The following AURKA variants were observed in gnomAD, a reference collection of about 807,000 sequenced individuals.
The protein encoded by AURKA is aurora kinase A.
A neutral mutation model predicts 40.9 loss-of-function variants in AURKA; 12 were observed. That is an observed-to-expected ratio of 0.29 (90% CI 0.19 to 0.48). AURKA has a LOEUF of 0.48. AURKA is among the 20% of genes least tolerant of loss of function. AURKA has a pLI of 0.99. For missense variants in AURKA, 322 were observed against 462.1 expected (o/e 0.70, Z 2.78); for synonymous variants, 170 against 164.3 (o/e 1.03, Z -0.26).
chr20:56,370,960 T>C (rs1256985669), intron 7 of AURKA, among the ~76,000 whole-genome samples: 1 of 152,216 alleles, frequency 6.6e-6, no homozygotes, highest in Non-Finnish European at 1.5e-5. Flanking sequence ...CAAAGTTCTC[T>C]GTAAATACGA....
chr20:56,374,933 AGCTACTCGGGAG>A (rs1226884056), intron 6 of AURKA, among the ~76,000 whole-genome samples: 13 of 152,260 alleles, frequency 8.5e-5, no homozygotes, highest in Non-Finnish European at 8.8e-5. Context: ...CTATAATCGC[AGCTACTCGGGAG>A]GCTGAGGCAG....
chr20:56,381,482 T>C lies in AURKA; in HGVS notation c.656A>G (p.Tyr219Cys). 1 of 1,613,874 alleles carries C rather than the reference T, an allele frequency of 6.2e-7. No individual in the cohort carries two copies. Among genetic ancestry groups the C allele is most frequent in the Non-Finnish European group, 8.5e-7 (1 of 1,179,958 alleles). The change falls in exon 6 of 9, where the codon TAT becomes TGT. Residue 219 changes from tyrosine to cysteine, a missense_variant. By Grantham distance (194) the Tyr-to-Cys change is radical. Coordinates refer to ENST00000395915, the MANE Select transcript of AURKA (RefSeq NM_198437.3). ...CTTTGAAAGTTTCTGAAGTTCTCTA[T>C]AAACTGTTCCAAGTGGTGCATATTC... ...ILEYAPLGTV[Y>C]RELQKLSKFD...
intron 2 of AURKA, 109 bp downstream of exon 2, chr20:56,388,047 G>A (rs1986577851): frequency 1.3e-5 from 2 of 153,214 alleles, no homozygotes; most frequent in Non-Finnish European, 2.0e-5. Flanking sequence ...CAGGATCACA[G>A]TAAGGGATCT....
At chr20:56,390,329 TAG>T (rs1267835119) in intron 1 of AURKA, among the ~76,000 whole-genome samples, 3 of 149,500 alleles carry the variant, frequency 2.0e-5, no homozygotes, top group Non-Finnish European at 4.4e-5. Flanking sequence ...TTTTTTGAGA[TAG>T]AGTTTGCTCT....
In AURKA at chr20:56,383,049, G is replaced by A; in HGVS notation, c.502C>T (p.Gln168Ter). Reference protein sequence around the residue: ...ILALKVLFKAQLEKAGVEHQL... With the variant: ...ILALKVLFKA ...TGCTCCACTCCGGCTTTCTCCAGCT[G>A]AGCTTTAAATAACACTTTAAGAGCC... The change falls in exon 5 of 9, where the codon CAG becomes TAG. Residue 168 changes from glutamine (Q) to a stop codon, truncating the protein, a stop_gained. Transcript: ENST00000395915. LOFTEE classifies it high-confidence loss of function. 6.2e-7 allele frequency: 1 copy of A among 1,614,206 alleles called. No homozygotes were observed. Among genetic ancestry groups the A allele is most frequent in the Non-Finnish European group, 8.5e-7 (1 of 1,180,034 alleles).
At chr20:56,388,490 GCCTACT>G (rs1986655322) in intron 1 of AURKA, 1 of 469,918 alleles carries the variant, frequency 2.1e-6, no homozygotes. Flanking sequence ...TCCCTGTGCA[GCCTACT>G]GGCATACCTG....
chr20:56,388,505 T>A, intron 1 of AURKA: 1 of 419,512 alleles, frequency 2.4e-6, no homozygotes, highest in Non-Finnish European at 4.4e-6. Flanking sequence ...CTGGCATACC[T>A]GCTACCTTAA....
At chr20:56,379,194 T>C (rs970945372) in intron 6 of AURKA, among the ~76,000 whole-genome samples, 17 of 152,160 alleles carry the variant, frequency 1.1e-4, no homozygotes, top group African/African-American at 4.1e-4. Flanking sequence ...CCAAAGGAAG[T>C]GCACATAAGC....
intron 3 of AURKA, among the ~76,000 whole-genome samples, chr20:56,385,423 C>T (rs1433087640): frequency 6.6e-6 from 1 of 152,058 alleles, no homozygotes; most frequent in East Asian, 1.9e-4. Context: ...CTCCTAAATC[C>T]AGCGTTCTAC....
Position 56,373,263 on chromosome 20 carries a change from G to T in AURKA, c.854+145C>A. 1 of 1,065,772 alleles carries T rather than the reference G, an allele frequency of 9.4e-7. No individual in the cohort carries two copies. Among genetic ancestry groups the T allele is most frequent in the Non-Finnish European group, 1.4e-6 (1 of 702,164 alleles). 66.0% of individuals were successfully genotyped at this position (1,065,772 alleles called of 1,614,324 possible). On this transcript the variant is annotated intron_variant, in intron 7 of 8. Transcript: ENST00000395915. This position sits in a 1 kb window ranked among gnomAD's most constrained non-coding sequence, Gnocchi z 5.0. ...CTTGCAAACCCTAGTTTATTATTAA[G>T]CCTAAATTACTCCAAAGTACTTCTG...
intron 3 of AURKA, among the ~76,000 whole-genome samples, chr20:56,385,640 T>C (rs996234578): frequency 6.6e-6 from 1 of 152,048 alleles, no homozygotes; most frequent in African/African-American, 2.4e-5. Flanking sequence ...TTTGTATTTT[T>C]AGTAGAGACA....
intron 7 of AURKA, 96 bp from the exon 8 acceptor site, chr20:56,370,755 T>TC: frequency 7.4e-7 from 1 of 1,359,562 alleles, no homozygotes; most frequent in South Asian, 1.3e-5. Context: ...ACTGAGGTCT[T>TC]CCCCTGGGCC....
At chr20:56,376,845 C>A (rs564960174) in intron 6 of AURKA, among the ~76,000 whole-genome samples, 1 of 152,018 alleles carries the variant, frequency 6.6e-6, no homozygotes. Context: ...TCTGGGAGGC[C>A]GAGGTGGGCA....
chr20:56,384,451 T>G, intron 3 of AURKA, 127 bp from the exon 4 acceptor site: 1 of 703,950 alleles, frequency 1.4e-6, no homozygotes, highest in South Asian at 1.8e-5. Flanking sequence ...ATAAATCTGT[T>G]TTTTTTTTTT....
At position 56,370,550 on chromosome 20, in the gene AURKA, A is replaced by T; in HGVS notation, c.964T>A (p.Phe322Ile). 1 of 1,614,194 alleles carries T rather than the reference A, an allele frequency of 6.2e-7. No individual in the cohort carries two copies. The highest frequency in any genetic ancestry group is 8.5e-7 in the Non-Finnish European group (1 of 1,180,036). ...TCAAAAGGAGGCTTCCCAACTAAAA[A>T]TTCATAGCAAAGAACTCCAAGGCTC... ...LWSLGVLCYEFLVGKPPFEAN... is the reference protein window; with the variant it reads ...LWSLGVLCYEILVGKPPFEAN... Residue 322 changes from phenylalanine to isoleucine, a missense_variant, in exon 8 of 9, where the codon TTT becomes ATT. Physicochemically the swap from Phe to Ile is conservative, Grantham distance 21. Transcript: ENST00000395915.
At chr20:56,384,685 T>C (rs1986142013) in intron 3 of AURKA, among the ~76,000 whole-genome samples, 3 of 152,160 alleles carry the variant, frequency 2.0e-5, no homozygotes, top group African/African-American at 4.8e-5. Context: ...ACTCGTCACC[T>C]TTTTCCCCTT....
intron 2 of AURKA, among the ~76,000 whole-genome samples, chr20:56,387,070 C>A (rs1459278462): frequency 6.6e-6 from 1 of 152,040 alleles, no homozygotes; most frequent in East Asian, 1.9e-4. Context: ...TTTCATTTTC[C>A]AAGTATTGAC....
chr20:56,389,629 C>T (rs1346542314), intron 1 of AURKA, among the ~76,000 whole-genome samples: 1 of 152,142 alleles, frequency 6.6e-6, no homozygotes, highest in Non-Finnish European at 1.5e-5. Flanking sequence ...ACTTTCTATG[C>T]AACATCTGCA....
intron 5 of AURKA, 28 bp downstream of exon 5, chr20:56,382,957 T>C (rs1402290613): frequency 6.2e-7 from 1 of 1,611,948 alleles, no homozygotes; most frequent in Admixed American, 1.7e-5. Context: ...TGGTGAACAT[T>C]CTTTTGAACA....
Sources: allele counts gnomAD v4.1 joint callset (sites outside exome capture counted in the v4.1 genomes callset), GRCh38; gene constraint gnomAD v4.1.1; non-coding constraint Gnocchi (gnomAD v3.1); transcripts MANE v1.5; gene names NCBI Gene and HGNC (gene_info 2026-07-23, HGNC 2026-07-21).